Variants in ATRNL1 observed in about 807,000 individuals in gnomAD.
The protein encoded by ATRNL1 is attractin like 1, also known as attractin-like protein 1.
In ATRNL1, 95 loss-of-function variants were observed where a neutral mutation model predicts 182.7. That is an observed-to-expected ratio of 0.52 (90% confidence interval 0.44 to 0.62). The LOEUF (loss-of-function observed/expected upper bound fraction) is 0.62, where lower values mean the gene tolerates loss of function less well. ATRNL1 is among the 20% of genes least tolerant of loss of function. The pLI is 0.00. For synonymous variants in ATRNL1, 576 were observed against 568.3 expected, an observed-to-expected ratio of 1.01 and a Z score of -0.19; for missense variants, 1,471 against 1,679.5, an observed-to-expected ratio of 0.88 and a Z score of 2.17.
rs781997390 is a variant in ATRNL1, at chr10:115,826,112, G to C, written c.3904-21765G>C. ...ATGATAAAAACTACCTCCTTGGAGA[G>C]CTGTTTCCTGGGGAATCTATAGATG... On this transcript the variant is annotated intron_variant, in intron 27 of 28. Coordinates refer to ENST00000355044, the MANE Select transcript of ATRNL1 (RefSeq NM_207303.4). 3.4e-4 allele frequency among the ~76,000 whole-genome samples: 52 copies of C among 152,320 alleles called. 2 individuals carry two copies. The highest frequency in any genetic ancestry group is 6.8e-3 in the Middle Eastern group (2 of 294).
chr10:115,223,929 A>ATATATATATTTTTTTTTTTTT (rs1420143943), intron 9 of ATRNL1, among the ~76,000 whole-genome samples: 3 of 44,714 alleles, frequency 6.7e-5, no homozygotes, highest in African/African-American at 2.8e-4. Flanking sequence ...ATATATATAT[A>ATATATATATTTTTTTTTTTTT]TTTTTTTTTT....
At chr10:115,592,937 GTCTA>G (rs1271320759) in intron 26 of ATRNL1, among the ~76,000 whole-genome samples, 2 of 151,984 alleles carry the variant, frequency 1.3e-5, no homozygotes, top group Non-Finnish European at 2.9e-5. Flanking sequence ...CTGTCTGTCT[GTCTA>G]TCTGTCTATC....
chr10:115,301,943 T>C lies in ATRNL1; in HGVS notation c.2718T>C (p.Cys906=), dbSNP rs1303504160. 9 of 1,613,938 alleles carry C rather than the reference T, an allele frequency of 5.6e-6. No homozygotes were observed. The East Asian group carries it at 1.8e-4, about 32-fold the overall frequency. ...ACTGTACAAGCAATGGCATGGAGTG[T>C]ATGTGGTGCAGCAGTACGAAACGAT... The part of the protein sequence containing the change: ...CSNCTSNGME[C]MWCSSTKRCV... Residue 906 remains cysteine (C), a synonymous_variant, in exon 17 of 29, where the codon TGT becomes TGC. Transcript: ENST00000355044.
intron 28 of ATRNL1, among the ~76,000 whole-genome samples, chr10:115,911,692 C>T (rs1255087226): frequency 2.0e-5 from 3 of 152,114 alleles, no homozygotes; most frequent in South Asian, 2.1e-4. Flanking sequence ...GTTACAGAGC[C>T]GGTGGGCGTG....
chr10:115,675,532 T>G (rs1387677605), intron 26 of ATRNL1, among the ~76,000 whole-genome samples: 1 of 152,170 alleles, frequency 6.6e-6, no homozygotes, highest in Non-Finnish European at 1.5e-5. Context: ...TGTTCTTGCT[T>G]GTCTAGAAAT....
At chr10:115,356,989 T>A (rs1320203080) in intron 19 of ATRNL1, among the ~76,000 whole-genome samples, 1 of 151,926 alleles carries the variant, frequency 6.6e-6, no homozygotes, top group Non-Finnish European at 1.5e-5. Context: ...GAAACTATTA[T>A]TTTGTCTAAG....
In ATRNL1 at chr10:115,948,854, A is replaced by C. The variant is rs892570778; in HGVS notation, c.*4075A>C. On this transcript the variant is annotated 3_prime_UTR_variant, in exon 29 of 29. Transcript: ENST00000355044. ...AGAACCAGAGCTCCTATCAGTATAT[A>C]TGTACACAGGTGTGCATGCCAGTGT... The C allele has an allele frequency of 7.2e-6, 1 of 139,034 alleles. No homozygotes were observed. The highest frequency in any genetic ancestry group is 1.5e-5 in the Non-Finnish European group (1 of 64,816). The allele number at this position is 139,034 out of a possible 1,614,324, so 8.6% of individuals were successfully genotyped here.
intron 19 of ATRNL1, among the ~76,000 whole-genome samples, chr10:115,388,909 G>A (rs1182883444): frequency 2.0e-5 from 3 of 151,986 alleles, no homozygotes; most frequent in Non-Finnish European, 4.4e-5. Flanking sequence ...ATTTTGGAAG[G>A]ATGAAACTAA....
intron 26 of ATRNL1, among the ~76,000 whole-genome samples, chr10:115,622,576 A>G (rs1185644848): frequency 6.6e-6 from 1 of 152,208 alleles, no homozygotes; most frequent in African/African-American, 2.4e-5. Context: ...AACTTTTACA[A>G]TATCAAGCAA....
intron 13 of ATRNL1, among the ~76,000 whole-genome samples, chr10:115,280,170 C>A (rs986877311): frequency 6.6e-6 from 1 of 152,132 alleles, no homozygotes; most frequent in Non-Finnish European, 1.5e-5. Context: ...AAACGAAGAA[C>A]CTGATGTGTG....
intron 27 of ATRNL1, among the ~76,000 whole-genome samples, chr10:115,802,144 G>A (rs1177419205): frequency 6.6e-6 from 1 of 151,788 alleles, no homozygotes; most frequent in Non-Finnish European, 1.5e-5. Flanking sequence ...CCTCCTCCCA[G>A]AGACTACTAA....
intron 9 of ATRNL1, among the ~76,000 whole-genome samples, 153 bp from the exon 10 acceptor site, chr10:115,241,418 T>C (rs1388244601): frequency 6.6e-5 from 10 of 151,922 alleles, no homozygotes; most frequent in East Asian, 3.9e-4. Flanking sequence ...TATTGAAGTT[T>C]AGAGGTCATT....
intron 22 of ATRNL1, among the ~76,000 whole-genome samples, chr10:115,466,532 C>T (rs1848060203): frequency 1.3e-5 from 2 of 150,920 alleles, no homozygotes; most frequent in Non-Finnish European, 3.0e-5. Flanking sequence ...GTCATATTTC[C>T]CTGAAATTAA....
chr10:115,547,811 A>C (rs1026285503), intron 25 of ATRNL1, among the ~76,000 whole-genome samples: 1 of 152,262 alleles, frequency 6.6e-6, no homozygotes, highest in Non-Finnish European at 1.5e-5. Context: ...TACAATTTCT[A>C]GAAAATCATG....
intron 26 of ATRNL1, among the ~76,000 whole-genome samples, chr10:115,708,676 G>GT (rs1333820633): frequency 6.6e-6 from 1 of 151,604 alleles, no homozygotes; most frequent in Admixed American, 6.6e-5. Flanking sequence ...CCAATTAAAT[G>GT]TTTTAAGTCA....
intron 25 of ATRNL1, among the ~76,000 whole-genome samples, chr10:115,539,657 T>G (rs374014392): frequency 1.3e-5 from 2 of 152,128 alleles, no homozygotes; most frequent in Admixed American, 1.3e-4. Context: ...CTCCCATTTT[T>G]TCTCTTTTTC....
chr10:115,904,259 A>G (rs937564913), intron 28 of ATRNL1, among the ~76,000 whole-genome samples: 1 of 152,178 alleles, frequency 6.6e-6, no homozygotes, highest in Non-Finnish European at 1.5e-5. Flanking sequence ...AGAATTTGGC[A>G]GCACCGCACA....
chr10:115,760,099 A>AT, intron 27 of ATRNL1, among the ~76,000 whole-genome samples: 1 of 151,288 alleles, frequency 6.6e-6, no homozygotes, highest in South Asian at 2.1e-4. Flanking sequence ...TATAATATAT[A>AT]TTTTTCCATG....
Position 115,735,234 on chromosome 10 carries a change from GTCTT to G in ATRNL1, c.3903+7883_3903+7886del, listed in dbSNP as rs782577231. On this transcript the variant is annotated intron_variant, in intron 27 of 28. Transcript: ENST00000355044. The stretch of plus-strand genomic sequence containing the variant: ...TGTCTTTTGATAATAAACTCTCTTA[GTCTT>G]TCTATTTCCCTCTCCAGTTTCAGTA... Among the ~76,000 whole-genome samples the G allele has an allele frequency of 2.0e-5, 3 of 152,088 alleles. No individual in the cohort carries two copies. In the East Asian group the frequency reaches 5.8e-4, roughly 29 times the overall value.
Sources: gnomAD v4.1 joint callset for allele counts (sites outside exome capture counted in the v4.1 genomes callset) on GRCh38, gnomAD v4.1.1 for gene constraint, MANE v1.5 for transcripts, NCBI Gene and HGNC (gene_info 2026-07-23, HGNC 2026-07-21) for gene names.